UIMC1: variants seen among roughly 807,000 people sequenced by gnomAD.
UIMC1 encodes ubiquitin interaction motif containing 1, also known as BRCA1-A complex subunit RAP80.
UIMC1 carries 42 observed loss-of-function variants against 84.9 expected under a neutral mutation model. The ratio of observed to expected loss-of-function variants is 0.49; its 90% CI spans 0.39 to 0.64. The LOEUF (loss-of-function observed/expected upper bound fraction) is 0.64, where lower values mean the gene tolerates loss of function less well. Among genes scored for constraint, UIMC1 ranks in the 30% least tolerant of loss-of-function variants. UIMC1 has a pLI of 0.00. For synonymous variants in UIMC1, 281 were observed against 293.0 expected, an observed-to-expected ratio of 0.96 and a Z score of 0.42; for missense variants, 825 against 847.6, an observed-to-expected ratio of 0.97 and a Z score of 0.33.
intron 10 of UIMC1, among the ~76,000 whole-genome samples, chr5:176,923,910 C>G (rs936463941): frequency 1.3e-5 from 2 of 151,136 alleles, no homozygotes; most frequent in Non-Finnish European, 2.9e-5. Flanking sequence ...GACACACACA[C>G]ACACACACAC....
chr5:177,018,226 C>T (rs542906835), intron 1 of UIMC1, among the ~76,000 whole-genome samples: 7 of 152,032 alleles, frequency 4.6e-5, no homozygotes, highest in Admixed American at 4.6e-4. Context: ...TGGTGCACAC[C>T]TGTAGTCCTA....
intron 1 of UIMC1, among the ~76,000 whole-genome samples, chr5:177,004,626 G>A (rs1407626189): frequency 6.6e-6 from 1 of 152,206 alleles, no homozygotes; most frequent in Non-Finnish European, 1.5e-5. Flanking sequence ...GAAAGATGCA[G>A]AAGCAGGACA....
At chr5:176,913,707 C>T (rs559437724) in intron 10 of UIMC1, among the ~76,000 whole-genome samples, 20 of 152,270 alleles carry the variant, frequency 1.3e-4, no homozygotes, top group African/African-American at 4.1e-4. Context: ...CTGGGTGCAG[C>T]GGCTCACGCC....
rs374958834 is a variant in UIMC1, at chr5:176,910,555, TCA to T, written c.1676+754_1676+755del. 9.1e-3 allele frequency among the ~76,000 whole-genome samples: 1,390 copies of T among 152,326 alleles called. 15 individuals are homozygous for T. The highest frequency in any genetic ancestry group is 0.014 in the Non-Finnish European group (962 of 68,026). ...GACCCCTTCCTCAGAATGAGCTTTC[TCA>T]GTCAAGCTGCAACACACAACCAAAA... On this transcript the variant is annotated intron_variant, in intron 11 of 14. Coordinates refer to ENST00000511320, the MANE Select transcript of UIMC1 (RefSeq NM_001199298.2).
chr5:176,935,716 A>G (rs768192604), intron 10 of UIMC1, among the ~76,000 whole-genome samples: 1 of 152,176 alleles, frequency 6.6e-6, no homozygotes, highest in Non-Finnish European at 1.5e-5. Flanking sequence ...ACAAGTCCCA[A>G]CTTTGTCTAA....
intron 1 of UIMC1, among the ~76,000 whole-genome samples, chr5:176,998,209 G>C (rs1438692434): frequency 1.3e-5 from 2 of 151,944 alleles, no homozygotes; most frequent in Non-Finnish European, 2.9e-5. Context: ...ATTTGCAGTG[G>C]TTCACCCCTG....
intron 9 of UIMC1, among the ~76,000 whole-genome samples, chr5:176,948,796 G>C (rs549598276): frequency 6.6e-6 from 1 of 152,212 alleles, no homozygotes; most frequent in South Asian, 2.1e-4. Flanking sequence ...CAATGCTCGA[G>C]CTCCTTGTAC....
intron 10 of UIMC1, among the ~76,000 whole-genome samples, chr5:176,924,763 G>A (rs545821427): frequency 8.6e-5 from 13 of 152,000 alleles, no homozygotes; most frequent in East Asian, 3.9e-4. Flanking sequence ...ATAGGCAGCC[G>A]GGCGCGGTGG....
intron 8 of UIMC1, among the ~76,000 whole-genome samples, chr5:176,954,107 G>A (rs1212059207): frequency 2.0e-5 from 3 of 152,168 alleles, no homozygotes; most frequent in Non-Finnish European, 4.4e-5. Context: ...GCTAATGACA[G>A]CAAGTCATGA....
chr5:176,925,309 G>T (rs1463838469), intron 10 of UIMC1, among the ~76,000 whole-genome samples: 2 of 152,052 alleles, frequency 1.3e-5, no homozygotes, highest in Admixed American at 1.3e-4. Flanking sequence ...TACCAGAATG[G>T]CTAAAATTAA....
chr5:177,006,087 G>A (rs550387921), intron 1 of UIMC1, among the ~76,000 whole-genome samples: 2 of 152,308 alleles, frequency 1.3e-5, no homozygotes, highest in East Asian at 1.9e-4. Context: ...AGGAGCGCGG[G>A]CCTGGCGCCC....
chr5:176,953,530 A>C (rs1016404937), intron 8 of UIMC1, among the ~76,000 whole-genome samples: 2 of 151,088 alleles, frequency 1.3e-5, no homozygotes, highest in South Asian at 2.1e-4. Context: ...ACACACACAC[A>C]CCTTATTGGA....
intron 8 of UIMC1, among the ~76,000 whole-genome samples, 194 bp from the exon 9 acceptor site, chr5:176,951,771 T>C (rs1196790988): frequency 6.6e-6 from 1 of 152,244 alleles, no homozygotes. Context: ...TCATAAATTT[T>C]CAGTATACAG....
intron 5 of UIMC1, 73 bp downstream of exon 5, chr5:176,969,528 C>G: frequency 1.3e-6 from 2 of 1,484,590 alleles, no homozygotes; most frequent in Non-Finnish European, 1.9e-6. Context: ...TTCCGTGTAT[C>G]TACTCTCAGC....
intron 9 of UIMC1, among the ~76,000 whole-genome samples, chr5:176,948,741 T>C (rs1163697174): frequency 6.6e-6 from 1 of 152,194 alleles, no homozygotes; most frequent in Non-Finnish European, 1.5e-5. Context: ...TGCACAACAT[T>C]CAAAACATGG....
At chr5:176,915,241 CTTTTT>C (rs34866468) in intron 10 of UIMC1, among the ~76,000 whole-genome samples, 1 of 139,252 alleles carries the variant, frequency 7.2e-6, no homozygotes, top group Non-Finnish European at 1.5e-5. Flanking sequence ...TATTTTGTTT[CTTTTT>C]TTTTTTTTTT....
At chr5:176,958,439 G>C (rs1167190211) in intron 6 of UIMC1, among the ~76,000 whole-genome samples, 1 of 152,188 alleles carries the variant, frequency 6.6e-6, no homozygotes, top group Non-Finnish European at 1.5e-5. Context: ...GCCTCACAGA[G>C]TGTTGTGAAA....
chr5:176,926,063 T>C (rs1214817730), intron 10 of UIMC1, among the ~76,000 whole-genome samples: 1 of 152,188 alleles, frequency 6.6e-6, no homozygotes, highest in Non-Finnish European at 1.5e-5. Context: ...AATAAGATTC[T>C]TCTAACTTTG....
chr5:176,969,543 G>A, intron 5 of UIMC1, 58 bp downstream of exon 5: 3 of 1,541,198 alleles, frequency 1.9e-6, no homozygotes, highest in East Asian at 4.5e-5. Context: ...CTCAGCATGA[G>A]ATCCCTGTGG....
Sources: allele counts gnomAD v4.1 joint callset (sites outside exome capture counted in the v4.1 genomes callset), GRCh38; gene constraint gnomAD v4.1.1; transcripts MANE v1.5; gene names NCBI Gene and HGNC (gene_info 2026-07-23, HGNC 2026-07-21).